ANKS1A: variants seen among roughly 807,000 people sequenced by gnomAD.
ANKS1A encodes ankyrin repeat and sterile alpha motif domain containing 1A.
In ANKS1A, 55 loss-of-function variants were observed where a neutral mutation model predicts 120.3. The observed-to-expected ratio is 0.46, with a 90% CI of 0.37 to 0.57. The LOEUF (loss-of-function observed/expected upper bound fraction) is 0.57, where lower values mean the gene tolerates loss of function less well. Among genes scored for constraint, ANKS1A ranks in the 20% least tolerant of loss-of-function variants. The pLI is 0.00. For missense variants in ANKS1A, 1,123 were observed against 1,480.3 expected, an observed-to-expected ratio of 0.76 and a Z score of 3.96; for synonymous variants, 590 against 604.7, an observed-to-expected ratio of 0.98 and a Z score of 0.36.
At chr6:35,042,655 A>G (rs1368731191) in intron 11 of ANKS1A, among the ~76,000 whole-genome samples, 1 of 152,204 alleles carries the variant, frequency 6.6e-6, no homozygotes, top group African/African-American at 2.4e-5. Flanking sequence ...CAGAAACCCT[A>G]GATGCAATCA....
At chr6:34,957,012 G>T (rs532658190) in intron 1 of ANKS1A, among the ~76,000 whole-genome samples, 1 of 152,260 alleles carries the variant, frequency 6.6e-6, no homozygotes, top group African/African-American at 2.4e-5. Context: ...CTTCCCAAGG[G>T]TGCCTCTGTG....
intron 13 of ANKS1A, among the ~76,000 whole-genome samples, chr6:35,067,277 C>CT: frequency 6.6e-6 from 1 of 152,258 alleles, no homozygotes; most frequent in South Asian, 2.1e-4. Context: ...AGCAGATGCC[C>CT]TGGGACTGGG....
intron 1 of ANKS1A, among the ~76,000 whole-genome samples, chr6:34,924,387 G>A (rs1006027357): frequency 1.3e-5 from 2 of 152,150 alleles, no homozygotes; most frequent in Non-Finnish European, 2.9e-5. Context: ...CTGCAGTGGT[G>A]AGCATAGCTA....
chr6:34,979,656 C>G (rs932986998), intron 3 of ANKS1A, among the ~76,000 whole-genome samples: 1 of 151,632 alleles, frequency 6.6e-6, no homozygotes, highest in African/African-American at 2.4e-5. Context: ...TAATGGCATA[C>G]TTTTTATAAA....
At position 35,085,604 on chromosome 6, in the gene ANKS1A, AC is replaced by A. The variant is rs1777918434; in HGVS notation, c.3133-160del. On this transcript the variant is annotated intron_variant, in intron 21 of 23. Coordinates refer to ENST00000360359, the MANE Select transcript of ANKS1A (RefSeq NM_015245.3). The surrounding 1 kb of genome is among the most constrained non-coding windows in gnomAD (Gnocchi z 4.7). The stretch of plus-strand genomic sequence containing the variant: ...GTGTAGAGCGGGAAGAACAACAGAG[AC>A]CTAGGAAGAGTAAAGGAGGGAAAGG... Among the ~76,000 whole-genome samples the A allele has an allele frequency of 8.1e-6, 1 of 123,648 alleles. No homozygotes were observed. Among genetic ancestry groups the A allele is most frequent in the Admixed American group, 8.5e-5 (1 of 11,776 alleles). The allele number at this position is 123,648 out of a possible 152,430, so 81.1% of individuals were successfully genotyped here. A position where few individuals can be genotyped will look rare whatever the true frequency, so the allele number is the denominator to read the frequency against.
intron 10 of ANKS1A, among the ~76,000 whole-genome samples, chr6:35,002,912 A>G (rs546283742): frequency 6.6e-6 from 1 of 151,144 alleles, no homozygotes; most frequent in East Asian, 1.9e-4. Flanking sequence ...TCCATTCAGT[A>G]AATCTCCAAA....
chr6:34,943,085 G>A (rs966552141), intron 1 of ANKS1A, among the ~76,000 whole-genome samples: 3 of 151,710 alleles, frequency 2.0e-5, no homozygotes, highest in African/African-American at 4.8e-5. Flanking sequence ...CTCCCACCTC[G>A]GCCTCCCAAG....
downstream of ANKS1A, among the ~76,000 whole-genome samples, chr6:35,096,189 G>T (rs931721149): frequency 6.6e-6 from 1 of 152,176 alleles, no homozygotes; most frequent in African/African-American, 2.4e-5. Flanking sequence ...TGAATCTCCT[G>T]TAGGATTCTC....
chr6:35,084,152 T>C lies in ANKS1A; in HGVS notation c.3026T>C (p.Ile1009Thr). The C allele has an allele frequency of 6.2e-7, 1 of 1,614,110 alleles. No homozygotes were observed. Among genetic ancestry groups the C allele is most frequent in the Non-Finnish European group, 8.5e-7 (1 of 1,180,010 alleles). The change falls in exon 21 of 24, where the codon ATT becomes ACT. Residue 1009 changes from isoleucine (I) to threonine (T), a missense_variant. Around this residue, in one of 3 missense-constraint regions of ANKS1A, gnomAD observed 904 missense variants for 1,130.4 expected, o/e 0.80. Transcript: ENST00000360359. The surrounding 1 kb of genome is among the most constrained non-coding windows in gnomAD (Gnocchi z 4.8). ...ATTGCAGAGCACGAGATCCGGAACA[T>C]TTCCTGTGCGGCCCAGGACCCGGAG... ...NVIAEHEIRN[I>T]SCAAQDPEDL...
At chr6:35,012,304 C>G (rs565484169) in intron 10 of ANKS1A, among the ~76,000 whole-genome samples, 1 of 152,342 alleles carries the variant, frequency 6.6e-6, no homozygotes, top group East Asian at 1.9e-4. Context: ...AACTCTCAGT[C>G]TATTTGTCTT....
chr6:34,919,190 A>G (rs1768315659), intron 1 of ANKS1A, among the ~76,000 whole-genome samples: 1 of 152,242 alleles, frequency 6.6e-6, no homozygotes. Flanking sequence ...AAAAAGTTTT[A>G]GTTGTGGTTG....
At position 35,085,657 on chromosome 6, in the gene ANKS1A, G is replaced by C; in HGVS notation, c.3133-109G>C. The C allele has an allele frequency of 8.8e-7, 1 of 1,138,380 alleles. No homozygotes were observed. Among genetic ancestry groups the C allele is most frequent in the South Asian group, 1.7e-5 (1 of 57,598 alleles). 70.5% of individuals were successfully genotyped at this position (1,138,380 alleles called of 1,614,324 possible). ...GGGAAGAGTGGAAGGAGGTAGGAGCGCTCCCGGGTAGACTTAGAGGGGGAC... is the reference window on the plus strand; with the variant it reads ...GGGAAGAGTGGAAGGAGGTAGGAGCCCTCCCGGGTAGACTTAGAGGGGGAC... On this transcript the variant is annotated intron_variant, in intron 21 of 23. Coordinates refer to ENST00000360359, the MANE Select transcript of ANKS1A (RefSeq NM_015245.3). This position sits in a 1 kb window ranked among gnomAD's most constrained non-coding sequence, Gnocchi z 4.7.
chr6:35,088,462 GGTGCTCAAAGCAGGCATGGAGGGT>G, intron 23 of ANKS1A, 120 bp from the exon 24 acceptor site: 5 of 1,020,024 alleles, frequency 4.9e-6, no homozygotes, highest in Non-Finnish European at 7.7e-6. Context: ...GCAGGCTGTG[GGTGCTCAAAGCAGGCATGGAGGGT>G]GCCCCGGGGA....
chr6:35,078,781 C>A, intron 14 of ANKS1A, 125 bp downstream of exon 14: 1 of 837,946 alleles, frequency 1.2e-6, no homozygotes, highest in Non-Finnish European at 1.9e-6. Flanking sequence ...AGGACCTCTA[C>A]CCCTCACCCT....
intron 8 of ANKS1A, 110 bp from the exon 9 acceptor site, chr6:34,989,114 G>T: frequency 1.1e-6 from 1 of 871,724 alleles, no homozygotes; most frequent in Non-Finnish European, 1.8e-6. Context: ...TCTCTCAGGG[G>T]AGTTCCATAC....
intron 1 of ANKS1A, among the ~76,000 whole-genome samples, chr6:34,890,026 A>G (rs1270629890): frequency 6.6e-6 from 1 of 151,924 alleles, no homozygotes; most frequent in Non-Finnish European, 1.5e-5. Flanking sequence ...CCTCTGGAGG[A>G]AATTCTATTG....
chr6:35,038,834 G>A (rs557004898), intron 11 of ANKS1A, among the ~76,000 whole-genome samples: 5 of 152,222 alleles, frequency 3.3e-5, no homozygotes, highest in Non-Finnish European at 7.4e-5. Flanking sequence ...ATAAAACAAA[G>A]GGATAGTTTT....
chr6:35,035,378 A>G (rs1775113263), intron 11 of ANKS1A, among the ~76,000 whole-genome samples: 1 of 152,162 alleles, frequency 6.6e-6, no homozygotes, highest in Non-Finnish European at 1.5e-5. Context: ...TACCTGTTTT[A>G]TGTCTTAGAT....
Position 35,054,079 on chromosome 6 carries a change from TG to T in ANKS1A, c.2011-19del. The T allele has an allele frequency of 6.2e-7, 1 of 1,611,888 alleles. No individual in the cohort carries two copies. The highest frequency in any genetic ancestry group is 8.5e-7 in the Non-Finnish European group (1 of 1,178,154). On this transcript the variant is annotated intron_variant, in intron 11 of 23. Coordinates refer to ENST00000360359, the MANE Select transcript of ANKS1A (RefSeq NM_015245.3). The stretch of plus-strand genomic sequence containing the variant: ...CCCAAGCCTGACTGCCTCTCCTCTT[TG>T]TTCTTTCTTCCATTTCAGATTGAGA...
Sources: allele counts gnomAD v4.1 joint callset (sites outside exome capture counted in the v4.1 genomes callset), GRCh38; gene constraint gnomAD v4.1.1; regional missense constraint gnomAD v4.1.1; non-coding constraint Gnocchi (gnomAD v3.1); transcripts MANE v1.5; gene names NCBI Gene and HGNC (gene_info 2026-07-23, HGNC 2026-07-21).